Variants in STX18 observed in about 807,000 individuals in gnomAD.
The protein encoded by STX18 is syntaxin 18.
In STX18, 40 loss-of-function variants were observed where a neutral mutation model predicts 50.1. The ratio of observed to expected loss-of-function variants is 0.80; its 90% CI spans 0.62 to 1.04. The LOEUF (loss-of-function observed/expected upper bound fraction) is 1.04. Ranked by LOEUF, STX18 falls within the 50% of genes least tolerant of loss-of-function variation. STX18 has a pLI of 0.00. For missense variants in STX18, 410 were observed against 415.8 expected, an observed-to-expected ratio of 0.99 and a Z score of 0.12; for synonymous variants, 158 against 151.8, an observed-to-expected ratio of 1.04 and a Z score of -0.30.
intron 1 of STX18, among the ~76,000 whole-genome samples, chr4:4,474,335 G>GCA (rs10689518): frequency 0.35 from 53,510 of 151,894 alleles, 13,085 homozygotes; most frequent in African/African-American, 0.7. Context: ...AGCTTGTCAG[G>GCA]CAGTTTCTGG....
In STX18 at chr4:4,420,467, T is replaced by C; in HGVS notation, c.913-338A>G. 2.5e-6 allele frequency: 1 copy of C among 400,804 alleles called. No homozygotes were observed. The highest frequency in any genetic ancestry group is 4.6e-6 in the Non-Finnish European group (1 of 218,580). 24.8% of individuals were successfully genotyped at this position (400,804 alleles called of 1,614,324 possible). ...CATGATGTCCGTGGTGACCCAACCC[T>C]GAGGACTGAGCTTGGGAAACAGTCC... On this transcript the variant is annotated intron_variant, in intron 10 of 10. Coordinates refer to ENST00000306200, the MANE Select transcript of STX18 (RefSeq NM_016930.4). This position sits in a 1 kb window ranked among gnomAD's most constrained non-coding sequence, Gnocchi z 4.3.
chr4:4,447,844 A>T (rs1030102448), intron 5 of STX18, among the ~76,000 whole-genome samples: 3 of 152,114 alleles, frequency 2.0e-5, no homozygotes, highest in African/African-American at 7.2e-5. Context: ...AGCAATATAC[A>T]TTTTTTTCCT....
chr4:4,510,200 C>A lies in STX18; in HGVS notation c.168+31597G>T, dbSNP rs998921423. The stretch of plus-strand genomic sequence containing the variant: ...GAGAGAGACACAAAGAGAAACTCAG[C>A]TTCACAAAATACTCTGCTAGTTTAA... On this transcript the variant is annotated intron_variant, in intron 1 of 10. Transcript: ENST00000306200. 1.3e-5 allele frequency among the ~76,000 whole-genome samples: 2 copies of A among 152,154 alleles called. 1 individual carries two copies. The highest frequency in any genetic ancestry group is 1.3e-4 in the Admixed American group (2 of 15,274).
At chr4:4,445,521 T>C (rs1275676513) in intron 5 of STX18, among the ~76,000 whole-genome samples, 2 of 152,060 alleles carry the variant, frequency 1.3e-5, no homozygotes, top group Non-Finnish European at 2.9e-5. Context: ...CAAAAATTAA[T>C]TGTATTTCTA....
intron 7 of STX18, among the ~76,000 whole-genome samples, chr4:4,426,828 A>C (rs1725263997): frequency 6.6e-6 from 1 of 152,014 alleles, no homozygotes; most frequent in Non-Finnish European, 1.5e-5. Context: ...TTGCCCGCTG[A>C]CCCTACAGAT....
chr4:4,420,776 C>T lies in STX18; in HGVS notation c.912+88G>A. ...CCGTGAGCTCTGCCCAGCAAGGCTC[C>T]TGGGCAGCTGTGCCGGCGAGACTAA... On this transcript the variant is annotated intron_variant, in intron 10 of 10. Transcript: ENST00000306200. This position sits in a 1 kb window ranked among gnomAD's most constrained non-coding sequence, Gnocchi z 4.3. The T allele has an allele frequency of 8.1e-7, 1 of 1,235,648 alleles. No individual in the cohort carries two copies. The highest frequency in any genetic ancestry group is 1.2e-6 in the Non-Finnish European group (1 of 841,384). 76.5% of individuals were successfully genotyped at this position (1,235,648 alleles called of 1,614,324 possible). A position where few individuals can be genotyped will look rare whatever the true frequency, so the allele number is the denominator to read the frequency against.
At chr4:4,486,012 G>T (rs932623804) in intron 1 of STX18, among the ~76,000 whole-genome samples, 1 of 152,154 alleles carries the variant, frequency 6.6e-6, no homozygotes, top group African/African-American at 2.4e-5. Flanking sequence ...GGCAGAGGGC[G>T]GGGACAGCGC....
intron 7 of STX18, among the ~76,000 whole-genome samples, chr4:4,431,087 C>A (rs1725494838): frequency 6.6e-6 from 1 of 152,056 alleles, no homozygotes; most frequent in African/African-American, 2.4e-5. Flanking sequence ...CTCACCATTG[C>A]CTGCCAGAGA....
intron 1 of STX18, among the ~76,000 whole-genome samples, chr4:4,529,512 T>C (rs867095469): frequency 6.9e-6 from 1 of 144,094 alleles, no homozygotes; most frequent in Non-Finnish European, 1.5e-5. Flanking sequence ...GCAGATGATG[T>C]GATAACATAC....
intron 8 of STX18, among the ~76,000 whole-genome samples, chr4:4,424,452 G>A (rs1047698872): frequency 1.4e-4 from 22 of 152,172 alleles, no homozygotes; most frequent in African/African-American, 3.1e-4. Flanking sequence ...GGGTGGGGGC[G>A]GTAGTGGGGC....
intron 5 of STX18, among the ~76,000 whole-genome samples, chr4:4,439,281 C>A (rs1017996592): frequency 8.4e-6 from 1 of 119,172 alleles, no homozygotes; most frequent in Admixed American, 7.6e-5. Context: ...CATAAACACA[C>A]ACACATATAT....
At chr4:4,524,699 C>A (rs577485905) in intron 1 of STX18, among the ~76,000 whole-genome samples, 1 of 152,354 alleles carries the variant, frequency 6.6e-6, no homozygotes, top group African/African-American at 2.4e-5. Flanking sequence ...CTGTTTGGTT[C>A]ACCGAGTCCA....
Position 4,513,046 on chromosome 4 carries a change from G to A in STX18, c.168+28751C>T, listed in dbSNP as rs146683462. On this transcript the variant is annotated intron_variant, in intron 1 of 10. Transcript: ENST00000306200. The stretch of plus-strand genomic sequence containing the variant: ...TATAATAATAATATACATATCAAAC[G>A]GACATAAGGGTATTCAATTTAGAAT... 3.7e-3 allele frequency among the ~76,000 whole-genome samples: 566 copies of A among 152,150 alleles called. 4 individuals are homozygous for A. The highest frequency in any genetic ancestry group is 0.013 in the African/African-American group (532 of 41,470).
chr4:4,533,531 A>T (rs1159687485), intron 1 of STX18, among the ~76,000 whole-genome samples: 2 of 152,250 alleles, frequency 1.3e-5, no homozygotes, highest in Non-Finnish European at 2.9e-5. Context: ...AAAATGACTG[A>T]GTTTCCAAAA....
At chr4:4,504,342 A>T (rs1395865135) in intron 1 of STX18, among the ~76,000 whole-genome samples, 1 of 152,186 alleles carries the variant, frequency 6.6e-6, no homozygotes, top group Non-Finnish European at 1.5e-5. Context: ...CTCTCAGAAA[A>T]AATCTGTTGC....
chr4:4,517,373 T>A (rs1399152650), intron 1 of STX18, among the ~76,000 whole-genome samples: 1 of 152,208 alleles, frequency 6.6e-6, no homozygotes, highest in East Asian at 1.9e-4. Flanking sequence ...TAAAGAATAA[T>A]CCCAAAAAGT....
intron 1 of STX18, among the ~76,000 whole-genome samples, chr4:4,540,636 T>C (rs752060123): frequency 1.1e-4 from 17 of 152,344 alleles, no homozygotes; most frequent in Non-Finnish European, 2.4e-4. Context: ...TTTATGTCTA[T>C]GTCCGTCTAC....
intron 1 of STX18, among the ~76,000 whole-genome samples, chr4:4,491,832 A>G (rs1335458043): frequency 6.6e-6 from 1 of 152,134 alleles, no homozygotes; most frequent in Non-Finnish European, 1.5e-5. Context: ...TAGAATGAAC[A>G]TATTTTAAAG....
chr4:4,486,457 G>A (rs1480520641), intron 1 of STX18, among the ~76,000 whole-genome samples: 1 of 152,222 alleles, frequency 6.6e-6, no homozygotes. Flanking sequence ...ATGTTTTTGA[G>A]TGAATATGCA....
Sources: allele counts gnomAD v4.1 joint callset (sites outside exome capture counted in the v4.1 genomes callset), GRCh38; gene constraint gnomAD v4.1.1; non-coding constraint Gnocchi (gnomAD v3.1); transcripts MANE v1.5; gene names NCBI Gene and HGNC (gene_info 2026-07-23, HGNC 2026-07-21).